The following ACVR2A variants were observed in gnomAD, a reference collection of about 807,000 sequenced individuals.
ACVR2A encodes activin receptor type-2A.
A neutral mutation model predicts 61.4 loss-of-function variants in ACVR2A; 7 were observed. The ratio of observed to expected loss-of-function variants is 0.11; its 90% CI spans 0.06 to 0.21. The LOEUF is 0.21. Ranked by LOEUF, ACVR2A falls within the 10% of genes least tolerant of loss-of-function variation. ACVR2A has a pLI of 1.00. For synonymous variants in ACVR2A, 193 were observed against 208.3 expected (o/e 0.93, Z 0.63); for missense variants, 322 against 621.7 (o/e 0.52, Z 5.13).
At chr2:147,845,535 C>G (rs1685289823) in intron 1 of ACVR2A, among the ~76,000 whole-genome samples, 1 of 152,154 alleles carries the variant, frequency 6.6e-6, no homozygotes, top group Non-Finnish European at 1.5e-5. Context: ...GCAAATACCA[C>G]AAGTGACAAT....
At chr2:147,926,391 G>C (rs1458888432) in intron 10 of ACVR2A, among the ~76,000 whole-genome samples, 1 of 151,874 alleles carries the variant, frequency 6.6e-6, no homozygotes, top group Non-Finnish European at 1.5e-5. Flanking sequence ...GTCCTGTGCA[G>C]AAGATTGTGT....
At chr2:147,925,297 A>C (rs1211239280) in intron 9 of ACVR2A, among the ~76,000 whole-genome samples, 1 of 152,002 alleles carries the variant, frequency 6.6e-6, no homozygotes, top group Non-Finnish European at 1.5e-5. Context: ...TGAAGTAAGT[A>C]ATATATGTAA....
At chr2:147,849,321 C>T (rs931460028) in intron 1 of ACVR2A, among the ~76,000 whole-genome samples, 7 of 151,870 alleles carry the variant, frequency 4.6e-5, no homozygotes, top group Admixed American at 3.3e-4. Context: ...TGGCGGTATT[C>T]GTGTGTGTGT....
At chr2:147,902,728 A>G (rs906800034) in intron 4 of ACVR2A, 2 of 151,962 alleles carry the variant, frequency 1.3e-5, no homozygotes, top group African/African-American at 4.8e-5. Context: ...GATACTGCCA[A>G]TTCCTATTAA....
intron 3 of ACVR2A, 81 bp from the exon 4 acceptor site, chr2:147,899,663 C>G (rs139204837): frequency 3.3e-4 from 530 of 1,587,412 alleles, no homozygotes; most frequent in Non-Finnish European, 4.1e-4. Context: ...ACCTCTTCCC[C>G]AAAATTTGAG....
At chr2:147,873,754 A>G (rs1055349787) in intron 1 of ACVR2A, among the ~76,000 whole-genome samples, 1 of 152,022 alleles carries the variant, frequency 6.6e-6, no homozygotes, top group African/African-American at 2.4e-5. Flanking sequence ...AAAATAGGAA[A>G]CGGCAGAACT....
At chr2:147,885,377 G>A (rs1686405375) in intron 1 of ACVR2A, among the ~76,000 whole-genome samples, 2 of 152,160 alleles carry the variant, frequency 1.3e-5, no homozygotes, top group South Asian at 4.1e-4. Context: ...TTAAAAGTCT[G>A]TAGAGGTTTC....
chr2:147,862,562 G>A (rs1685753193), intron 1 of ACVR2A, among the ~76,000 whole-genome samples: 1 of 152,030 alleles, frequency 6.6e-6, no homozygotes, highest in South Asian at 2.1e-4. Flanking sequence ...TGGCCAACAT[G>A]GTGCAACCCC....
rs181328201 is a variant in ACVR2A, at chr2:147,922,840, C to G, written c.1078-133C>G. ...TTAAGTATACGCAGAAAGGATCTTT[C>G]TATTTATACGCTATAGTGTGTATAC... On this transcript the variant is annotated intron_variant, in intron 8 of 10. Coordinates refer to ENST00000241416, the MANE Select transcript of ACVR2A (RefSeq NM_001616.5). The G allele has an allele frequency of 5.0e-6, 4 of 798,846 alleles. No individual in the cohort carries two copies. The East Asian group carries it at 1.0e-4, about 21-fold the overall frequency. The allele number at this position is 798,846 out of a possible 1,614,324, so 49.5% of individuals were successfully genotyped here.
In ACVR2A at chr2:147,928,272, A is replaced by AAAT. The variant is rs1488630184; in HGVS notation, c.*1000_*1002dup. 6.6e-6 allele frequency: 1 copy of AAAT among 152,306 alleles called. No homozygotes were observed. Among genetic ancestry groups the AAAT allele is most frequent in the Non-Finnish European group, 1.5e-5 (1 of 67,930 alleles). 9.4% of individuals were successfully genotyped at this position (152,306 alleles called of 1,614,324 possible). A position where few individuals can be genotyped will look rare whatever the true frequency, so the allele number is the denominator to read the frequency against. On this transcript the variant is annotated 3_prime_UTR_variant, in exon 11 of 11. Coordinates refer to ENST00000241416, the MANE Select transcript of ACVR2A (RefSeq NM_001616.5). ...GGAAAGCTCTTCATTTTATCTTTTA[A>AAAT]AATAGAGTTTTTTCTATTTATATAT...
chr2:147,923,609 T>C (rs917454056), intron 9 of ACVR2A, among the ~76,000 whole-genome samples: 4 of 152,080 alleles, frequency 2.6e-5, no homozygotes, highest in African/African-American at 9.7e-5. Context: ...CTTTTATTTA[T>C]TTATTTTTCT....
rs978627694 is a variant in ACVR2A, at chr2:147,845,874, T to C, written c.55+667T>C. On this transcript the variant is annotated intron_variant, in intron 1 of 10. Coordinates refer to ENST00000241416, the MANE Select transcript of ACVR2A (RefSeq NM_001616.5). ...CGTTCAACCACCATTTGTGTGCTCT[T>C]TTGGGGCATAGATTTTGCTTACCTA... 5.3e-5 allele frequency among the ~76,000 whole-genome samples: 8 copies of C among 152,162 alleles called. No individual in the cohort carries two copies. The South Asian group carries it at 1.7e-3, about 31-fold the overall frequency.
chr2:147,899,339 C>T (rs1033605432), intron 2 of ACVR2A, 119 bp from the exon 3 acceptor site: 124 of 638,216 alleles, frequency 1.9e-4, no homozygotes, highest in Non-Finnish European at 2.5e-4. Context: ...GATATAAATA[C>T]GAATCTTGAA....
intron 4 of ACVR2A, chr2:147,903,088 A>AT (rs1686908656): frequency 6.6e-6 from 1 of 151,642 alleles, no homozygotes. Flanking sequence ...ATTGTTTAGA[A>AT]TTTTTCCTGG....
chr2:147,852,758 A>G (rs1170262434), intron 1 of ACVR2A, among the ~76,000 whole-genome samples: 1 of 152,064 alleles, frequency 6.6e-6, no homozygotes, highest in African/African-American at 2.4e-5. Context: ...TCTTAGACGG[A>G]GATTAGGAAG....
intron 5 of ACVR2A, among the ~76,000 whole-genome samples, chr2:147,916,208 T>A (rs1193418447): frequency 1.3e-5 from 2 of 152,010 alleles, no homozygotes; most frequent in Admixed American, 1.3e-4. Context: ...TATTACATTT[T>A]TTTTTGGTAG....
At chr2:147,861,208 C>T (rs532415952) in intron 1 of ACVR2A, among the ~76,000 whole-genome samples, 42 of 152,212 alleles carry the variant, frequency 2.8e-4, no homozygotes, top group African/African-American at 9.9e-4. Flanking sequence ...TTATTGAATA[C>T]GAACAAGTTA....
At chr2:147,926,757 A>T (rs1687509412) in intron 10 of ACVR2A, among the ~76,000 whole-genome samples, 1 of 151,946 alleles carries the variant, frequency 6.6e-6, no homozygotes, top group East Asian at 1.9e-4. Flanking sequence ...CTAAGAAAAC[A>T]ATAAAAATTG....
chr2:147,888,429 T>C (rs2105179834), intron 1 of ACVR2A, among the ~76,000 whole-genome samples: 1 of 152,312 alleles, frequency 6.6e-6, no homozygotes. Context: ...TTTCCAAATG[T>C]TTAGGTTTTA....
Sources: gnomAD v4.1 joint callset for allele counts (sites outside exome capture counted in the v4.1 genomes callset) on GRCh38, gnomAD v4.1.1 for gene constraint, MANE v1.5 for transcripts, NCBI Gene and HGNC (gene_info 2026-07-23, HGNC 2026-07-21) for gene names.